Variants in GRM7 observed in about 807,000 individuals in gnomAD.
GRM7 encodes glutamate metabotropic receptor 7.
A neutral mutation model predicts 84.5 loss-of-function variants in GRM7; 35 were observed. The ratio of observed to expected loss-of-function variants is 0.41; its 90% CI spans 0.32 to 0.55. The LOEUF is 0.55. Among genes scored for constraint, GRM7 ranks in the 20% least tolerant of loss-of-function variants. GRM7 has a pLI of 0.19. For synonymous variants in GRM7, 487 were observed against 455.1 expected (o/e 1.07, Z -0.89); for missense variants, 1,003 against 1,194.6 (o/e 0.84, Z 2.36).
In GRM7 at chr3:7,564,659, T is replaced by A. The variant is rs576996295; in HGVS notation, c.1516-13763T>A. 1.2e-4 allele frequency among the ~76,000 whole-genome samples: 18 copies of A among 152,246 alleles called. No homozygotes were observed. In the South Asian group the frequency reaches 2.7e-3, roughly 23 times the overall value. On this transcript the variant is annotated intron_variant, in intron 7 of 9. Transcript: ENST00000357716. ...CGTTGGAGCCATAATATATATATAT[T>A]TTTAAATTAATCGTTATTTAGGTAA... is the stretch of plus-strand genomic sequence containing the variant.
intron 3 of GRM7, among the ~76,000 whole-genome samples, chr3:7,299,786 T>C (rs1208452032): frequency 1.3e-5 from 2 of 152,142 alleles, no homozygotes; most frequent in Non-Finnish European, 2.9e-5. Context: ...TTTACATAGG[T>C]ACTGTAATTT....
At position 7,252,834 on chromosome 3, in the gene GRM7, G is replaced by A. The variant is rs183102616; in HGVS notation, c.737-45850G>A. On this transcript the variant is annotated intron_variant, in intron 2 of 9. Coordinates refer to ENST00000357716, the MANE Select transcript of GRM7 (RefSeq NM_000844.4). ...CTCCAGAGTAGCTGCGACTATAGGC[G>A]CCCGCCACCACACCCAGCTAATTTT... 3.5e-4 allele frequency among the ~76,000 whole-genome samples: 53 copies of A among 150,680 alleles called. No homozygotes were observed. The East Asian group carries it at 6.5e-3, about 18-fold the overall frequency.
intron 6 of GRM7, among the ~76,000 whole-genome samples, chr3:7,455,924 C>CT (rs140278319): frequency 0.042 from 6,342 of 152,152 alleles, 174 homozygotes; most frequent in South Asian, 0.068. Flanking sequence ...TTGTATCAAT[C>CT]TTCAGGAGTT....
chr3:7,569,021 G>C (rs1197180970), intron 7 of GRM7, among the ~76,000 whole-genome samples: 1 of 152,174 alleles, frequency 6.6e-6, no homozygotes, highest in Non-Finnish European at 1.5e-5. Flanking sequence ...CTGCGCCCCT[G>C]TGTGGGATCC....
At chr3:7,158,521 T>G (rs1694526305) in intron 2 of GRM7, among the ~76,000 whole-genome samples, 1 of 152,110 alleles carries the variant, frequency 6.6e-6, no homozygotes, top group African/African-American at 2.4e-5. Context: ...GTTCCTGCCA[T>G]TAATACATAT....
intron 1 of GRM7, among the ~76,000 whole-genome samples, chr3:7,026,748 A>T (rs1317894723): frequency 1.3e-5 from 2 of 152,192 alleles, no homozygotes; most frequent in Non-Finnish European, 2.9e-5. Context: ...GTAAATACCT[A>T]ATGTAATGAC....
intron 4 of GRM7, among the ~76,000 whole-genome samples, chr3:7,335,558 T>G (rs966368729): frequency 6.6e-6 from 1 of 151,342 alleles, no homozygotes; most frequent in African/African-American, 2.4e-5. Flanking sequence ...ACAACAAAGA[T>G]CAGAGTAGAA....
intron 2 of GRM7, among the ~76,000 whole-genome samples, chr3:7,268,442 C>T (rs1475982801): frequency 6.6e-6 from 1 of 151,788 alleles, no homozygotes; most frequent in South Asian, 2.1e-4. Context: ...GGTGACTGAG[C>T]AAGACCCTGT....
chr3:7,398,369 A>G (rs34066191), intron 4 of GRM7, among the ~76,000 whole-genome samples: 52,994 of 151,912 alleles, frequency 0.35, 10,428 homozygotes, highest in Non-Finnish European at 0.46. Context: ...ATTATACTTA[A>G]CTCTTTGTTA....
intron 2 of GRM7, among the ~76,000 whole-genome samples, chr3:7,209,428 A>G (rs1439423694): frequency 1.3e-5 from 2 of 152,212 alleles, no homozygotes; most frequent in Non-Finnish European, 2.9e-5. Flanking sequence ...GAATAAGGAC[A>G]TAAGAGAAGG....
intron 8 of GRM7, among the ~76,000 whole-genome samples, chr3:7,645,094 C>T (rs1336430015): frequency 6.6e-6 from 1 of 152,094 alleles, no homozygotes; most frequent in Non-Finnish European, 1.5e-5. Flanking sequence ...CTGTCCTGCC[C>T]ATTTTCCCCA....
chr3:7,517,501 C>T (rs1700436792), intron 7 of GRM7, among the ~76,000 whole-genome samples: 1 of 151,982 alleles, frequency 6.6e-6, no homozygotes, highest in Non-Finnish European at 1.5e-5. Context: ...CAAGGGATTC[C>T]CATGCCTCCG....
chr3:7,442,184 A>G (rs1409945880), intron 5 of GRM7, among the ~76,000 whole-genome samples: 1 of 151,874 alleles, frequency 6.6e-6, no homozygotes, highest in Non-Finnish European at 1.5e-5. Context: ...GTTGTTTTAG[A>G]TATCTTTCAC....
chr3:7,086,819 TC>T (rs1447446223), intron 1 of GRM7, among the ~76,000 whole-genome samples: 3 of 152,156 alleles, frequency 2.0e-5, no homozygotes, highest in Admixed American at 6.5e-5. Context: ...AGAGGAGAGA[TC>T]CAGGCTCAAA....
At chr3:6,915,951 G>C (rs941389408) in intron 1 of GRM7, among the ~76,000 whole-genome samples, 1 of 152,156 alleles carries the variant, frequency 6.6e-6, no homozygotes. Flanking sequence ...ATTGTTTTCT[G>C]TCTGTTCTAA....
At chr3:7,691,263 G>C in intron 9 of GRM7, 1 of 1,288,108 alleles carries the variant, frequency 7.8e-7, no homozygotes, top group South Asian at 1.2e-5. Context: ...CATTTCCAAA[G>C]CTTGTTCTTC....
chr3:7,533,806 C>A (rs909963110), intron 7 of GRM7, among the ~76,000 whole-genome samples: 1 of 152,186 alleles, frequency 6.6e-6, no homozygotes, highest in African/African-American at 2.4e-5. Flanking sequence ...CAACTGCCAA[C>A]TTTCCCTAAT....
intron 9 of GRM7, among the ~76,000 whole-genome samples, chr3:7,697,493 A>G (rs1490291109): frequency 1.3e-5 from 2 of 152,206 alleles, no homozygotes; most frequent in East Asian, 3.8e-4. Flanking sequence ...AAAGAGCTGT[A>G]ATATTTTTGA....
intron 1 of GRM7, among the ~76,000 whole-genome samples, chr3:7,064,479 T>TATATATATATACAC: frequency 0.012 from 1,152 of 99,128 alleles, 37 homozygotes; most frequent in African/African-American, 0.015. Flanking sequence ...TATATATATA[T>TATATATATATACAC]ACACACATAT....
Sources: gnomAD v4.1 joint callset for allele counts (sites outside exome capture counted in the v4.1 genomes callset) on GRCh38, gnomAD v4.1.1 for gene constraint, MANE v1.5 for transcripts, NCBI Gene and HGNC (gene_info 2026-07-23, HGNC 2026-07-21) for gene names.